The following IQCH variants were observed in gnomAD, a reference collection of about 807,000 sequenced individuals.
IQCH encodes IQ motif containing H, also known as IQ domain-containing protein H.
A neutral mutation model predicts 117.0 loss-of-function variants in IQCH; 98 were observed. The ratio of observed to expected loss-of-function variants is 0.84; its 90% CI spans 0.71 to 0.99. IQCH has a LOEUF of 0.99. IQCH is among the 50% of genes least tolerant of loss of function. The pLI, the probability that IQCH is intolerant of heterozygous loss-of-function variation, is 0.00. For missense variants in IQCH, 1,102 were observed against 1,243.8 expected (o/e 0.89, Z 1.72); for synonymous variants, 412 against 448.2 (o/e 0.92, Z 1.02).
rs891106008 is a variant in IQCH, at chr15:67,432,920, TG to T, written c.2505+11344del. On this transcript the variant is annotated intron_variant, in intron 16 of 20. Coordinates refer to ENST00000335894, the MANE Select transcript of IQCH (RefSeq NM_001031715.3). This position sits in a 1 kb window ranked among gnomAD's most constrained non-coding sequence, Gnocchi z 5.0. ...TCATTTGCAAGATCTCCCCTATCTC[TG>T]TTTTCAAGATATACAAGGTATTCAC... is the stretch of plus-strand genomic sequence containing the variant. Among the ~76,000 whole-genome samples the T allele has an allele frequency of 1.4e-4, 21 of 152,250 alleles. 1 individual carries two copies. Among genetic ancestry groups the T allele is most frequent in the Admixed American group, 5.2e-4 (8 of 15,286 alleles).
intron 16 of IQCH, among the ~76,000 whole-genome samples, chr15:67,448,225 T>A (rs554252253): frequency 1.7e-4 from 26 of 152,194 alleles, no homozygotes; most frequent in African/African-American, 5.3e-4. Flanking sequence ...TCACACTTTT[T>A]AAAATTTTAT....
In IQCH at chr15:67,481,714, T is replaced by C. The variant is rs976960624; in HGVS notation, c.2799+5896T>C. 1.3e-5 allele frequency among the ~76,000 whole-genome samples: 2 copies of C among 152,122 alleles called. No individual in the cohort carries two copies. The highest frequency in any genetic ancestry group is 2.9e-5 in the Non-Finnish European group (2 of 68,022). On this transcript the variant is annotated intron_variant, in intron 18 of 20. Coordinates refer to ENST00000335894, the MANE Select transcript of IQCH (RefSeq NM_001031715.3). The surrounding 1 kb of genome is among the most constrained non-coding windows in gnomAD (Gnocchi z 4.1). ...GCATAGAAGCAAGAAAGCAAAGAAA[T>C]ATAGAAAATTTAAGAAGTATCTAGA... is the stretch of plus-strand genomic sequence containing the variant.
At chr15:67,344,400 G>C (rs886471499) in intron 6 of IQCH, among the ~76,000 whole-genome samples, 6 of 152,064 alleles carry the variant, frequency 3.9e-5, no homozygotes, top group Non-Finnish European at 8.8e-5. Context: ...AGCACTATCA[G>C]TTTTCATTCT....
chr15:67,395,068 A>C lies in IQCH; in HGVS notation c.1633-223A>C, dbSNP rs1971417889. Among the ~76,000 whole-genome samples the C allele has an allele frequency of 6.6e-6, 1 of 152,210 alleles. No homozygotes were observed. The highest frequency in any genetic ancestry group is 2.4e-5 in the African/African-American group (1 of 41,446). On this transcript the variant is annotated intron_variant, in intron 12 of 20. Transcript: ENST00000335894. The surrounding 1 kb of genome is among the most constrained non-coding windows in gnomAD (Gnocchi z 4.0). The stretch of plus-strand genomic sequence containing the variant: ...ATCAAATAAATACAGACGTGTAGTA[A>C]TTAGTTCTATTCCCAGTGAGCCTAT...
rs2083763907 is a variant in IQCH, at chr15:67,494,869, G to A, written c.2970+503G>A. Among the ~76,000 whole-genome samples the A allele has an allele frequency of 6.6e-6, 1 of 152,128 alleles. No individual in the cohort carries two copies. ...TCTACCCCACCCGTTTCTCCACCGTGGGTTGGATTATTTCACTACTAACCT... is the reference window on the plus strand; with the variant it reads ...TCTACCCCACCCGTTTCTCCACCGTAGGTTGGATTATTTCACTACTAACCT... On this transcript the variant is annotated intron_variant, in intron 20 of 20. Transcript: ENST00000335894. The surrounding 1 kb of genome is among the most constrained non-coding windows in gnomAD (Gnocchi z 5.5).
intron 10 of IQCH, among the ~76,000 whole-genome samples, chr15:67,375,119 A>T (rs1311091935): frequency 2.0e-5 from 3 of 152,246 alleles, no homozygotes. Flanking sequence ...AAACTAGGTA[A>T]TAAAAAAATT....
chr15:67,303,342 A>G (rs1967144866), intron 4 of IQCH, among the ~76,000 whole-genome samples: 1 of 152,128 alleles, frequency 6.6e-6, no homozygotes, highest in Non-Finnish European at 1.5e-5. Context: ...GGGGATGCAC[A>G]TGTTCTGGAA....
intron 4 of IQCH, among the ~76,000 whole-genome samples, chr15:67,302,692 A>G (rs1281191033): frequency 1.3e-5 from 2 of 152,196 alleles, no homozygotes; most frequent in Non-Finnish European, 2.9e-5. Flanking sequence ...CCCTGTCTCT[A>G]CTAAAAATAC....
At chr15:67,477,258 C>G (rs1007730508) in intron 18 of IQCH, among the ~76,000 whole-genome samples, 1 of 151,954 alleles carries the variant, frequency 6.6e-6, no homozygotes, top group Non-Finnish European at 1.5e-5. Flanking sequence ...ACCATGTTGG[C>G]CAGGATGGTC....
At position 67,311,441 on chromosome 15, in the gene IQCH, G is replaced by A. The variant is rs112434171; in HGVS notation, c.388-25534G>A. 5.6e-3 allele frequency among the ~76,000 whole-genome samples: 851 copies of A among 151,426 alleles called. 7 individuals are homozygous for A. The highest frequency in any genetic ancestry group is 0.019 in the African/African-American group (804 of 41,430). On this transcript the variant is annotated intron_variant, in intron 4 of 20. Coordinates refer to ENST00000335894, the MANE Select transcript of IQCH (RefSeq NM_001031715.3). ...AAACAAATTGTATTCTGTGATAGATGTAAGACTGCAGTTATTTATAACTCT... is the reference window on the plus strand; with the variant it reads ...AAACAAATTGTATTCTGTGATAGATATAAGACTGCAGTTATTTATAACTCT...
chr15:67,307,631 T>C (rs978091786), intron 4 of IQCH, among the ~76,000 whole-genome samples: 1 of 152,126 alleles, frequency 6.6e-6, no homozygotes, highest in Admixed American at 6.6e-5. Context: ...CAGAATTAGA[T>C]TTAAACAAAT....
chr15:67,421,356 G>C lies in IQCH; in HGVS notation c.2284G>C (p.Glu762Gln). 6.2e-7 allele frequency: 1 copy of C among 1,614,164 alleles called. No homozygotes were observed. The highest frequency in any genetic ancestry group is 8.5e-7 in the Non-Finnish European group (1 of 1,180,020). ...CAACCTCACAGTGGACATGCTGATAGAGCCCAACGGGAAAATCAGCGTGCT... is the reference window on the plus strand; with the variant it reads ...CAACCTCACAGTGGACATGCTGATACAGCCCAACGGGAAAATCAGCGTGCT... ...VTNLTVDMLIEPNGKISVLST... is the reference protein window; with the variant it reads ...VTNLTVDMLIQPNGKISVLST... Residue 762 changes from glutamate to glutamine, a missense_variant, in exon 16 of 21, where the codon GAG becomes CAG. By Grantham distance (29) the Glu-to-Gln change is conservative (BLOSUM62 2). Coordinates refer to ENST00000335894, the MANE Select transcript of IQCH (RefSeq NM_001031715.3).
At chr15:67,440,620 T>C (rs2082244637) in intron 16 of IQCH, among the ~76,000 whole-genome samples, 2 of 152,178 alleles carry the variant, frequency 1.3e-5, no homozygotes, top group Admixed American at 1.3e-4. Context: ...AAAAGTCACA[T>C]GATCATCTCA....
chr15:67,345,428 G>T (rs548867896), intron 6 of IQCH, among the ~76,000 whole-genome samples: 5 of 152,076 alleles, frequency 3.3e-5, no homozygotes, highest in Non-Finnish European at 7.4e-5. Flanking sequence ...CAGAAAATTC[G>T]CAATGGAGAA....
At chr15:67,412,330 G>A (rs1253626722) in intron 14 of IQCH, among the ~76,000 whole-genome samples, 3 of 152,076 alleles carry the variant, frequency 2.0e-5, no homozygotes, top group Non-Finnish European at 2.9e-5. Context: ...GTCGCCCATC[G>A]TCCATCACCT....
At position 67,381,872 on chromosome 15, in the gene IQCH, T is replaced by C. The variant is rs1970942222; in HGVS notation, c.1373-3064T>C. ...AGTGTGCACCAGTAGTCTCACCTAA[T>C]TGAGAGGCTGAGGTGGGAGGATCAC... On this transcript the variant is annotated intron_variant, in intron 10 of 20. Transcript: ENST00000335894. This position sits in a 1 kb window ranked among gnomAD's most constrained non-coding sequence, Gnocchi z 5.1. 6.6e-6 allele frequency among the ~76,000 whole-genome samples: 1 copy of C among 151,866 alleles called. No homozygotes were observed. The highest frequency in any genetic ancestry group is 2.1e-4 in the South Asian group (1 of 4,802).
At chr15:67,471,800 TA>T (rs1202389720) in intron 17 of IQCH, among the ~76,000 whole-genome samples, 2 of 152,236 alleles carry the variant, frequency 1.3e-5, no homozygotes, top group African/African-American at 4.8e-5. Flanking sequence ...AGGCTGGACA[TA>T]AGACAATCCT....
At position 67,366,286 on chromosome 15, in the gene IQCH, A is replaced by T. The variant is rs1400301707; in HGVS notation, c.754-5825A>T. Among the ~76,000 whole-genome samples, 1 of 152,194 alleles carries T rather than the reference A, an allele frequency of 6.6e-6. No homozygotes were observed. The highest frequency in any genetic ancestry group is 6.5e-5 in the Admixed American group (1 of 15,276). Reference sequence around the variant, plus strand: ...TTAACTATGTCACATTTTCTCAGAGAATATTAGAGGTATAACAGAAAAGAT... The same window carrying T: ...TTAACTATGTCACATTTTCTCAGAGTATATTAGAGGTATAACAGAAAAGAT... On this transcript the variant is annotated intron_variant, in intron 8 of 20. Coordinates refer to ENST00000335894, the MANE Select transcript of IQCH (RefSeq NM_001031715.3). The surrounding 1 kb of genome is among the most constrained non-coding windows in gnomAD (Gnocchi z 4.4).
At position 67,431,034 on chromosome 15, in the gene IQCH, C is replaced by T. The variant is rs922003275; in HGVS notation, c.2505+9457C>T. Among the ~76,000 whole-genome samples the T allele has an allele frequency of 7.9e-5, 12 of 151,986 alleles. No individual in the cohort carries two copies. Among genetic ancestry groups the T allele is most frequent in the East Asian group, 3.9e-4 (2 of 5,184 alleles). ...TTTGCAGAGAAGGTGGGATTTGAGC[C>T]GAAAGAAAATTAGGATATGAGGAGG... On this transcript the variant is annotated intron_variant, in intron 16 of 20. Transcript: ENST00000335894. This position sits in a 1 kb window ranked among gnomAD's most constrained non-coding sequence, Gnocchi z 4.8.
Sources: allele counts gnomAD v4.1 joint callset (sites outside exome capture counted in the v4.1 genomes callset), GRCh38; gene constraint gnomAD v4.1.1; non-coding constraint Gnocchi (gnomAD v3.1); transcripts MANE v1.5; gene names NCBI Gene and HGNC (gene_info 2026-07-23, HGNC 2026-07-21).